The following PDZRN4 variants were observed in gnomAD, a reference collection of about 807,000 sequenced individuals.
The protein encoded by PDZRN4 is PDZ domain-containing RING finger protein 4.
PDZRN4 carries 70 observed loss-of-function variants against 99.0 expected under a neutral mutation model. That is an observed-to-expected ratio of 0.71 (90% CI 0.58 to 0.86). The LOEUF (loss-of-function observed/expected upper bound fraction) is 0.86. PDZRN4 is among the 40% of genes least tolerant of loss of function. The pLI is 0.00. For synonymous variants in PDZRN4, 551 were observed against 501.6 expected (o/e 1.10, Z -1.32); for missense variants, 1,474 against 1,331.2 (o/e 1.11, Z -1.67).
chr12:41,537,345 A>G (rs548865237), intron 5 of PDZRN4, among the ~76,000 whole-genome samples: 140 of 152,348 alleles, frequency 9.2e-4, no homozygotes, highest in Non-Finnish European at 1.3e-3. Flanking sequence ...CAACAATGAG[A>G]TACAAAGCTG....
intron 1 of PDZRN4, 35 bp downstream of exon 1, chr12:41,189,138 C>G (rs1244062369): frequency 2.6e-6 from 4 of 1,557,748 alleles, no homozygotes; most frequent in South Asian, 1.2e-5. Context: ...CGGGCATGGT[C>G]GATTGGGGTG....
intron 3 of PDZRN4, among the ~76,000 whole-genome samples, chr12:41,203,008 GA>G (rs1316723652): frequency 6.6e-6 from 1 of 151,630 alleles, no homozygotes; most frequent in Non-Finnish European, 1.5e-5. Flanking sequence ...TCATATTTCA[GA>G]AAAAAATAGT....
chr12:41,566,519 G>A (rs1310252881), intron 8 of PDZRN4, among the ~76,000 whole-genome samples: 2 of 152,142 alleles, frequency 1.3e-5, no homozygotes. Context: ...TTATTCAGGC[G>A]ACATTAAGAT....
chr12:41,525,290 G>A (rs1187199041), intron 5 of PDZRN4, among the ~76,000 whole-genome samples: 1 of 152,102 alleles, frequency 6.6e-6, no homozygotes. Context: ...GCTTATTTGA[G>A]GAGGAATTAT....
intron 3 of PDZRN4, among the ~76,000 whole-genome samples, chr12:41,354,721 A>G (rs1307901604): frequency 6.6e-6 from 1 of 152,004 alleles, no homozygotes; most frequent in Non-Finnish European, 1.5e-5. Flanking sequence ...TTATTCCTTT[A>G]TTTTACATCT....
At chr12:41,307,609 GATTT>G (rs1565547461) in intron 3 of PDZRN4, among the ~76,000 whole-genome samples, 1 of 33,272 alleles carries the variant, frequency 3.0e-5, no homozygotes, top group African/African-American at 7.3e-5. Context: ...TGGAGAGCCA[GATTT>G]TTTTTTTTTT....
At chr12:41,215,422 C>G (rs1023245311) in intron 3 of PDZRN4, among the ~76,000 whole-genome samples, 1 of 152,074 alleles carries the variant, frequency 6.6e-6, no homozygotes, top group Non-Finnish European at 1.5e-5. Context: ...CAGATCTATA[C>G]ATTGTTTGCT....
intron 3 of PDZRN4, among the ~76,000 whole-genome samples, chr12:41,431,964 A>C (rs902655126): frequency 6.6e-6 from 1 of 152,248 alleles, no homozygotes; most frequent in Non-Finnish European, 1.5e-5. Context: ...GTTTTCCAGC[A>C]TTAGAAATCT....
chr12:41,547,407 C>T (rs994030805), intron 5 of PDZRN4, among the ~76,000 whole-genome samples: 2 of 152,158 alleles, frequency 1.3e-5, no homozygotes, highest in Non-Finnish European at 1.5e-5. Flanking sequence ...TGGCAGATCA[C>T]TTGAGGTCAG....
intron 7 of PDZRN4, among the ~76,000 whole-genome samples, chr12:41,557,792 A>C (rs1281955245): frequency 6.6e-6 from 1 of 152,132 alleles, no homozygotes; most frequent in Non-Finnish European, 1.5e-5. Flanking sequence ...AACCTCAAGA[A>C]CATAATTTCT....
rs369290459 is a variant in PDZRN4, at chr12:41,248,435, T to C, written c.843+54247T>C. Reference sequence around the variant, plus strand: ...CTGCAAATGACAAGAAAAATAACATTTTAATTGCTTGAAAGGAAAATGTTT... The same window carrying C: ...CTGCAAATGACAAGAAAAATAACATCTTAATTGCTTGAAAGGAAAATGTTT... On this transcript the variant is annotated intron_variant, in intron 3 of 9. Coordinates refer to ENST00000402685, the MANE Select transcript of PDZRN4 (RefSeq NM_001164595.2). Among the ~76,000 whole-genome samples, 185 of 152,266 alleles carry C rather than the reference T, an allele frequency of 1.2e-3. 1 individual carries two copies. The highest frequency in any genetic ancestry group is 4.3e-3 in the African/African-American group (179 of 41,556).
chr12:41,310,118 A>G (rs374579366), intron 3 of PDZRN4, among the ~76,000 whole-genome samples: 2 of 152,166 alleles, frequency 1.3e-5, no homozygotes, highest in East Asian at 3.9e-4. Context: ...TTTTTAGTAG[A>G]AACAGAGTTT....
chr12:41,207,342 T>C (rs527494900), intron 3 of PDZRN4, among the ~76,000 whole-genome samples: 96 of 151,892 alleles, frequency 6.3e-4, no homozygotes, highest in Admixed American at 1.3e-3. Flanking sequence ...AGATAGAATT[T>C]TAGAGTTGAA....
At chr12:41,435,104 G>T (rs1952617156) in intron 3 of PDZRN4, among the ~76,000 whole-genome samples, 1 of 152,158 alleles carries the variant, frequency 6.6e-6, no homozygotes, top group South Asian at 2.1e-4. Context: ...TTTGATACAT[G>T]ATTGGAAAAG....
intron 3 of PDZRN4, among the ~76,000 whole-genome samples, chr12:41,433,181 T>C (rs1225681721): frequency 6.6e-6 from 1 of 152,240 alleles, no homozygotes; most frequent in East Asian, 1.9e-4. Flanking sequence ...TTTGAAAATT[T>C]ATTCTCTTTT....
chr12:41,297,894 C>A (rs1951506453), intron 3 of PDZRN4, among the ~76,000 whole-genome samples: 1 of 152,110 alleles, frequency 6.6e-6, no homozygotes, highest in African/African-American at 2.4e-5. Flanking sequence ...ACACAAGAAT[C>A]CAGAATGGAG....
At chr12:41,300,727 G>A (rs1440644724) in intron 3 of PDZRN4, among the ~76,000 whole-genome samples, 1 of 151,936 alleles carries the variant, frequency 6.6e-6, no homozygotes, top group Admixed American at 6.6e-5. Flanking sequence ...ATACTGGTCA[G>A]CTGTACCCAG....
chr12:41,422,656 CACTT>C (rs1952501974), intron 3 of PDZRN4, among the ~76,000 whole-genome samples: 1 of 152,098 alleles, frequency 6.6e-6, no homozygotes, highest in South Asian at 2.1e-4. Flanking sequence ...CCGAAGAACT[CACTT>C]ACTGTCAGAA....
intron 3 of PDZRN4, among the ~76,000 whole-genome samples, chr12:41,395,229 T>C (rs910505911): frequency 1.5e-5 from 2 of 135,026 alleles, no homozygotes; most frequent in African/African-American, 5.1e-5. Context: ...TCTTAATATG[T>C]AAACCTGTGA....
Sources: gnomAD v4.1 joint callset for allele counts (sites outside exome capture counted in the v4.1 genomes callset) on GRCh38, gnomAD v4.1.1 for gene constraint, MANE v1.5 for transcripts, NCBI Gene and HGNC (gene_info 2026-07-23, HGNC 2026-07-21) for gene names.